Variants in LAMA1 observed in about 807,000 individuals in gnomAD.
The protein encoded by LAMA1 is laminin subunit alpha 1.
In LAMA1, 219 loss-of-function variants were observed where a neutral mutation model predicts 348.7. That is an observed-to-expected ratio of 0.63 (90% CI 0.56 to 0.70). The LOEUF (loss-of-function observed/expected upper bound fraction) is 0.70. Ranked by LOEUF, LAMA1 falls within the 30% of genes least tolerant of loss-of-function variation. LAMA1 has a pLI of 0.00. For missense variants in LAMA1, 3,744 were observed against 3,888.0 expected (o/e 0.96, Z 0.99); for synonymous variants, 1,487 against 1,491.0 (o/e 1.00, Z 0.06).
Position 7,025,963 on chromosome 18 carries a change from G to T in LAMA1, c.2402+16C>A. On this transcript the variant is annotated intron_variant, in intron 17 of 62. Transcript: ENST00000389658. ...GGCCATGCTGGCAGGAACCGCTGATGAGGTCCGAGGCTTACTTGTTGGAGG... is the reference window on the plus strand; with the variant it reads ...GGCCATGCTGGCAGGAACCGCTGATTAGGTCCGAGGCTTACTTGTTGGAGG... 1 of 1,601,618 alleles carries T rather than the reference G, an allele frequency of 6.2e-7. No individual in the cohort carries two copies. The highest frequency in any genetic ancestry group is 8.5e-7 in the Non-Finnish European group (1 of 1,174,320).
At chr18:7,030,072 TTG>T (rs2057962099) in intron 16 of LAMA1, among the ~76,000 whole-genome samples, 1 of 152,206 alleles carries the variant, frequency 6.6e-6, no homozygotes, top group African/African-American at 2.4e-5. Flanking sequence ...TTTATTATTT[TTG>T]CCCTCTCAAA....
intron 23 of LAMA1, among the ~76,000 whole-genome samples, chr18:7,013,026 T>C (rs2057868439): frequency 6.6e-6 from 1 of 151,704 alleles, no homozygotes; most frequent in South Asian, 2.1e-4. Flanking sequence ...CCAGGCGTGG[T>C]GGTGGGCACC....
In LAMA1 at chr18:6,992,368, T is replaced by C. The variant is rs1224078528; in HGVS notation, c.5168+193A>G. Reference sequence around the variant, plus strand: ...AGATAGATTACACTGACTGCACAGATTACACCTTTCTATATTTGGAGGGGT... The same window carrying C: ...AGATAGATTACACTGACTGCACAGACTACACCTTTCTATATTTGGAGGGGT... On this transcript the variant is annotated intron_variant, in intron 36 of 62. Coordinates refer to ENST00000389658, the MANE Select transcript of LAMA1 (RefSeq NM_005559.4). 2.6e-5 allele frequency among the ~76,000 whole-genome samples: 4 copies of C among 152,202 alleles called. No homozygotes were observed. The South Asian group carries it at 8.3e-4, about 32-fold the overall frequency.
In LAMA1 at chr18:7,002,278, G is replaced by A. The variant is rs113218555; in HGVS notation, c.4368C>T (p.His1456=). 1 of 1,612,516 alleles carries A rather than the reference G, an allele frequency of 6.2e-7. No homozygotes were observed. Among genetic ancestry groups the A allele is most frequent in the Admixed American group, 1.7e-5 (1 of 60,030 alleles). ...ASDCALCACP[H]SPPASFSPTC... ...TGGGGACTCACCTGGCAGGAGGGCTGTGAGGACAGGCACACAGAGCACAGT... is the reference window on the plus strand; with the variant it reads ...TGGGGACTCACCTGGCAGGAGGGCTATGAGGACAGGCACACAGAGCACAGT... The change falls in exon 30 of 63, where the codon CAC becomes CAT. Residue 1456 remains histidine, a synonymous_variant. Transcript: ENST00000389658.
chr18:6,979,884 G>A (rs1375665581), intron 42 of LAMA1, among the ~76,000 whole-genome samples: 2 of 152,208 alleles, frequency 1.3e-5, no homozygotes, highest in Non-Finnish European at 2.9e-5. Flanking sequence ...GGGCGACAGA[G>A]CGAGACTCTG....
chr18:7,115,823 A>C (rs1391765903), intron 1 of LAMA1, among the ~76,000 whole-genome samples: 4 of 149,420 alleles, frequency 2.7e-5, no homozygotes, highest in East Asian at 2.0e-4. Flanking sequence ...ACAAAAAAAA[A>C]AAAAAAAAAA....
At chr18:7,042,712 G>A (rs569100947) in intron 8 of LAMA1, 2 of 210,512 alleles carry the variant, frequency 9.5e-6, no homozygotes, top group South Asian at 1.6e-4. Context: ...GTGAAACCCT[G>A]TCTCTACTAA....
At chr18:7,080,938 T>A (rs1218159232) in intron 1 of LAMA1, among the ~76,000 whole-genome samples, 1 of 152,196 alleles carries the variant, frequency 6.6e-6, no homozygotes, top group Non-Finnish European at 1.5e-5. Flanking sequence ...TCCAATTCAC[T>A]TCGAAATGCA....
At position 7,080,301 on chromosome 18, in the gene LAMA1, C is replaced by G; in HGVS notation, c.218G>C (p.Ser73Thr). The change falls in exon 2 of 63, where the codon AGC becomes ACC. Residue 73 changes from serine to threonine, a missense_variant. Around this residue, in one of 3 missense-constraint regions of LAMA1, gnomAD observed 1,529 missense variants for 1,689.4 expected, o/e 0.91. Coordinates refer to ENST00000389658, the MANE Select transcript of LAMA1 (RefSeq NM_005559.4). ...NPQCRICDGN[S>T]ANPRERHPIS... ...GCGACACTTGCCTCTGGGGTTTGCG[C>G]TGTTGCCATCACAGATCCGGCACTG... The G allele has an allele frequency of 1.9e-6, 3 of 1,614,228 alleles. No homozygotes were observed. Among genetic ancestry groups the G allele is most frequent in the Non-Finnish European group, 2.5e-6 (3 of 1,180,042 alleles).
chr18:6,951,448 G>T (rs1213981201), intron 57 of LAMA1, among the ~76,000 whole-genome samples: 1 of 152,240 alleles, frequency 6.6e-6, no homozygotes, highest in Non-Finnish European at 1.5e-5. Context: ...GAGGAAGGCT[G>T]CGCCTGGGTA....
chr18:7,043,210 C>A lies in LAMA1; in HGVS notation c.1155+17G>T. ...GGAAGATGATGAAGATCAGCAATGG[C>A]AAAGAAATACTCTTACTTTGTGTGG... is the stretch of plus-strand genomic sequence containing the variant. On this transcript the variant is annotated intron_variant, in intron 8 of 62. Coordinates refer to ENST00000389658, the MANE Select transcript of LAMA1 (RefSeq NM_005559.4). 6.2e-7 allele frequency: 1 copy of A among 1,613,696 alleles called. No individual in the cohort carries two copies. The highest frequency in any genetic ancestry group is 8.5e-7 in the Non-Finnish European group (1 of 1,179,668).
At chr18:7,067,973 C>A (rs1000578191) in intron 3 of LAMA1, among the ~76,000 whole-genome samples, 1 of 152,140 alleles carries the variant, frequency 6.6e-6, no homozygotes, top group East Asian at 1.9e-4. Context: ...CCTGGCTCAG[C>A]CTCCTGAGTA....
At chr18:7,036,142 A>G (rs2057993860) in intron 12 of LAMA1, 54 bp from the exon 13 acceptor site, 1 of 1,271,386 alleles carries the variant, frequency 7.9e-7, no homozygotes, top group African/African-American at 1.5e-5. Flanking sequence ...CACAGCAACA[A>G]TCAAGTAAGA....
chr18:6,995,239 G>A (rs1358061423), intron 34 of LAMA1, 118 bp downstream of exon 34: 1 of 767,346 alleles, frequency 1.3e-6, no homozygotes, highest in Non-Finnish European at 2.4e-6. Context: ...CACAGCTCGT[G>A]GGAGGAAGAG....
intron 1 of LAMA1, among the ~76,000 whole-genome samples, chr18:7,111,464 A>C (rs1326342345): frequency 6.6e-6 from 1 of 152,222 alleles, no homozygotes; most frequent in Admixed American, 6.5e-5. Context: ...ACAAGTGGGA[A>C]GATTCTGTGC....
chr18:6,982,707 G>T, intron 40 of LAMA1, 117 bp from the exon 41 acceptor site: 1 of 871,678 alleles, frequency 1.1e-6, no homozygotes. Context: ...AAGAAAGTCA[G>T]CCAGGTACCA....
In LAMA1 at chr18:7,032,141, T is replaced by C. The variant is rs1211832469; in HGVS notation, c.2199A>G (p.Ile733Met). 4 of 1,613,970 alleles carry C rather than the reference T, an allele frequency of 2.5e-6. No homozygotes were observed. In the South Asian group the frequency reaches 4.4e-5, roughly 18 times the overall value. ...AGGGTTGACAAATTCCTCCAAAGAG[T>C]ATTCCATCCACGCGGTAATAGCCAG... ...CLSGYYRVDG[I>M]LFGGICQPCE... is the part of the protein sequence containing the mutation. Residue 733 changes from isoleucine to methionine, a missense_variant, in exon 16 of 63, where the codon ATA becomes ATG. Ile to Met is a conservative substitution (Grantham distance 10, BLOSUM62 1). Around this residue, in one of 3 missense-constraint regions of LAMA1, gnomAD observed 1,529 missense variants for 1,689.4 expected, o/e 0.91. Coordinates refer to ENST00000389658, the MANE Select transcript of LAMA1 (RefSeq NM_005559.4).
chr18:6,966,104 T>C (rs762820753), intron 49 of LAMA1, 43 bp downstream of exon 49: 1 of 1,606,708 alleles, frequency 6.2e-7, no homozygotes, highest in Non-Finnish European at 8.5e-7. Flanking sequence ...GCAATCTAAA[T>C]GTGTGTATAC....
At chr18:7,113,592 GA>G (rs1291838261) in intron 1 of LAMA1, among the ~76,000 whole-genome samples, 6 of 152,158 alleles carry the variant, frequency 3.9e-5, no homozygotes, top group African/African-American at 1.2e-4. Flanking sequence ...GAAATGGGAA[GA>G]ATTTTAAACA....
Sources: allele counts gnomAD v4.1 joint callset (sites outside exome capture counted in the v4.1 genomes callset), GRCh38; gene constraint gnomAD v4.1.1; regional missense constraint gnomAD v4.1.1; transcripts MANE v1.5; gene names NCBI Gene and HGNC (gene_info 2026-07-23, HGNC 2026-07-21).